The following PTPRG variants were observed in gnomAD, a reference collection of about 807,000 sequenced individuals.
PTPRG encodes receptor-type tyrosine-protein phosphatase gamma.
PTPRG carries 102 observed loss-of-function variants against 165.3 expected under a neutral mutation model. That is an observed-to-expected ratio of 0.62 (90% CI 0.53 to 0.73). PTPRG has a LOEUF of 0.73. Among genes scored for constraint, PTPRG ranks in the 30% least tolerant of loss-of-function variants. The pLI is 0.00. For synonymous variants in PTPRG, 675 were observed against 669.5 expected (o/e 1.01, Z -0.13); for missense variants, 1,866 against 1,861.4 (o/e 1.00, Z -0.05).
At chr3:61,906,622 A>T (rs2107531235) in intron 2 of PTPRG, among the ~76,000 whole-genome samples, 1 of 152,172 alleles carries the variant, frequency 6.6e-6, no homozygotes, top group South Asian at 2.1e-4. Context: ...AAAAGTAAAA[A>T]ATAAAAACCT....
intron 8 of PTPRG, among the ~76,000 whole-genome samples, chr3:62,189,174 C>T (rs1699742064): frequency 6.6e-6 from 1 of 152,100 alleles, no homozygotes. Flanking sequence ...GGGAATGACC[C>T]ACTAATTTAT....
intron 6 of PTPRG, among the ~76,000 whole-genome samples, chr3:62,137,565 C>T (rs1043397177): frequency 1.3e-5 from 2 of 152,124 alleles, no homozygotes; most frequent in South Asian, 2.1e-4. Context: ...CAGTGGATGT[C>T]ATCGATTTCC....
intron 5 of PTPRG, among the ~76,000 whole-genome samples, chr3:62,104,377 G>A (rs555608036): frequency 4.6e-5 from 7 of 152,286 alleles, no homozygotes; most frequent in Non-Finnish European, 7.4e-5. Context: ...GCATGAAATC[G>A]TATAGTTTTA....
intron 4 of PTPRG, among the ~76,000 whole-genome samples, chr3:62,072,222 C>T (rs61301992): frequency 4.1e-4 from 63 of 152,326 alleles, no homozygotes; most frequent in African/African-American, 1.5e-3. Context: ...GTGTCCTTTT[C>T]ACCTCCCTCC....
chr3:62,035,145 G>A (rs1699900859), intron 4 of PTPRG, among the ~76,000 whole-genome samples: 1 of 152,064 alleles, frequency 6.6e-6, no homozygotes, highest in African/African-American at 2.4e-5. Context: ...TCTCTGTTTG[G>A]GGCTTGAAAA....
intron 2 of PTPRG, among the ~76,000 whole-genome samples, chr3:61,863,578 T>TC (rs894495886): frequency 6.6e-6 from 1 of 152,194 alleles, no homozygotes; most frequent in Non-Finnish European, 1.5e-5. Flanking sequence ...TGCCTTCATT[T>TC]CCCCTTGCCT....
chr3:62,109,783 A>G (rs1373135894), intron 5 of PTPRG, among the ~76,000 whole-genome samples: 1 of 152,132 alleles, frequency 6.6e-6, no homozygotes, highest in Non-Finnish European at 1.5e-5. Context: ...CCTCCAGCAG[A>G]TGTCTTTCTG....
intron 2 of PTPRG, among the ~76,000 whole-genome samples, chr3:61,848,099 C>A (rs892563621): frequency 1.4e-4 from 22 of 152,328 alleles, no homozygotes; most frequent in Middle Eastern, 3.4e-3. Flanking sequence ...TGGTTTTGAG[C>A]TGTGGCTGAG....
rs143299872 is a variant in PTPRG at position 62,230,906 on chromosome 3, G to A, written c.2289-319G>A. Reference sequence around the variant, plus strand: ...GGCAGTGTGTCAAAGGTGGAAGAGTGGGTATATGAATGACAAGGGTCATCA... The same window carrying A: ...GGCAGTGTGTCAAAGGTGGAAGAGTAGGTATATGAATGACAAGGGTCATCA... On this transcript the variant is annotated intron_variant, in intron 13 of 29. Transcript: ENST00000474889. Among the ~76,000 whole-genome samples, 566 of 152,286 alleles carry A rather than the reference G, an allele frequency of 3.7e-3. 4 individuals carry two copies. Among genetic ancestry groups the A allele is most frequent in the African/African-American group, 0.013 (548 of 41,552 alleles).
chr3:62,069,684 T>TCTCTCACACACACA (rs542306888), intron 4 of PTPRG, among the ~76,000 whole-genome samples: 4 of 145,066 alleles, frequency 2.8e-5, no homozygotes, highest in African/African-American at 1.1e-4. Context: ...TCTCTCTCTC[T>TCTCTCACACACACA]CACACACAGA....
At chr3:62,137,603 T>C (rs1703760054) in intron 6 of PTPRG, among the ~76,000 whole-genome samples, 1 of 152,126 alleles carries the variant, frequency 6.6e-6, no homozygotes, top group African/African-American at 2.4e-5. Context: ...TGTCATGGGT[T>C]CGCCAGGATT....
At chr3:61,591,570 TCTC>T in intron 1 of PTPRG, among the ~76,000 whole-genome samples, 1 of 152,136 alleles carries the variant, frequency 6.6e-6, no homozygotes, top group Non-Finnish European at 1.5e-5. Flanking sequence ...ACCAGTGGCT[TCTC>T]CTTCTCTAGG....
intron 4 of PTPRG, among the ~76,000 whole-genome samples, chr3:62,005,802 A>G (rs1308292064): frequency 1.4e-5 from 2 of 144,864 alleles, no homozygotes; most frequent in African/African-American, 2.6e-5. Flanking sequence ...TCCTGGGTTC[A>G]AGCAATTCTC....
intron 1 of PTPRG, among the ~76,000 whole-genome samples, chr3:61,661,693 C>A (rs1702673253): frequency 6.6e-6 from 1 of 152,054 alleles, no homozygotes; most frequent in Admixed American, 6.5e-5. Flanking sequence ...CTTCTCTTTT[C>A]TTTGTAGTGA....
intron 7 of PTPRG, among the ~76,000 whole-genome samples, chr3:62,162,652 G>A (rs1162290469): frequency 2.6e-5 from 4 of 152,216 alleles, no homozygotes; most frequent in African/African-American, 9.6e-5. Context: ...ATAGATAGAT[G>A]TATGTTGCTG....
intron 2 of PTPRG, among the ~76,000 whole-genome samples, chr3:61,962,083 A>G (rs1484960251): frequency 1.3e-5 from 2 of 152,064 alleles, no homozygotes; most frequent in Non-Finnish European, 2.9e-5. Context: ...AAGTACGTTG[A>G]TTTCTCTTCT....
chr3:61,835,931 T>C (rs910559090), intron 2 of PTPRG, among the ~76,000 whole-genome samples: 1 of 151,628 alleles, frequency 6.6e-6, no homozygotes, highest in East Asian at 2.0e-4. Context: ...TTCCAGCTAC[T>C]TGGGAGGCTA....
At chr3:61,690,224 C>G (rs1255198630) in intron 1 of PTPRG, among the ~76,000 whole-genome samples, 1 of 152,186 alleles carries the variant, frequency 6.6e-6, no homozygotes. Context: ...CAGTTTGTCA[C>G]TATCACTTCT....
At chr3:61,982,750 A>G (rs1423405814) in intron 2 of PTPRG, among the ~76,000 whole-genome samples, 2 of 152,082 alleles carry the variant, frequency 1.3e-5, no homozygotes, top group Non-Finnish European at 2.9e-5. Flanking sequence ...AGAGTCTGGG[A>G]CCTCCAGTTT....
Sources: allele counts gnomAD v4.1 joint callset (sites outside exome capture counted in the v4.1 genomes callset), GRCh38; gene constraint gnomAD v4.1.1; transcripts MANE v1.5; gene names NCBI Gene and HGNC (gene_info 2026-07-23, HGNC 2026-07-21).